The following GALNT13 variants were observed in gnomAD, a reference collection of about 807,000 sequenced individuals.
GALNT13 encodes UDP-GalNAc:polypeptide N-acetylgalactosaminyltransferase 13.
GALNT13 carries 28 observed loss-of-function variants against 64.2 expected under a neutral mutation model. The ratio of observed to expected loss-of-function variants is 0.44; its 90% CI spans 0.32 to 0.60. GALNT13 has a LOEUF of 0.60. Ranked by LOEUF, GALNT13 falls within the 20% of genes least tolerant of loss-of-function variation. GALNT13 has a pLI of 0.05. For missense variants in GALNT13, 577 were observed against 669.8 expected (o/e 0.86, Z 1.53); for synonymous variants, 214 against 224.6 (o/e 0.95, Z 0.42).
chr2:153,509,138 T>G, the GALNT13 span, among the ~76,000 whole-genome samples: 1 of 152,154 alleles, frequency 6.6e-6, no homozygotes, highest in Non-Finnish European at 1.5e-5. Flanking sequence ...AAGAAGGAAA[T>G]AGCGGGCGCT....
At chr2:153,578,147 T>A in the GALNT13 span, among the ~76,000 whole-genome samples, 535 of 152,240 alleles carry the variant, frequency 3.5e-3, 4 homozygotes, top group African/African-American at 0.012. Context: ...ACAACATATA[T>A]GCGATAAGTG....
chr2:153,081,498 A>C, the GALNT13 span, among the ~76,000 whole-genome samples: 3 of 152,012 alleles, frequency 2.0e-5, no homozygotes, highest in Non-Finnish European at 4.4e-5. Flanking sequence ...GACTATCCCC[A>C]TATCCCCCTT....
At chr2:154,120,034 G>T (rs1310907957) in intron 3 of GALNT13, among the ~76,000 whole-genome samples, 9 of 152,064 alleles carry the variant, frequency 5.9e-5, no homozygotes, top group Non-Finnish European at 1.3e-4. Context: ...CTGTACATTT[G>T]TGGAGACTTC....
chr2:153,848,736 ATCTT>A, the GALNT13 span, among the ~76,000 whole-genome samples: 1 of 152,150 alleles, frequency 6.6e-6, no homozygotes, highest in East Asian at 1.9e-4. Flanking sequence ...CTTTTAAAAA[ATCTT>A]AATATGGAGA....
chr2:153,930,198 T>G (rs1348785105), intron 2 of GALNT13, among the ~76,000 whole-genome samples: 1 of 152,196 alleles, frequency 6.6e-6, no homozygotes, highest in African/African-American at 2.4e-5. Flanking sequence ...GGTTTGTTTT[T>G]TGCTTGTTTA....
At chr2:153,625,875 T>G in the GALNT13 span, among the ~76,000 whole-genome samples, 1 of 152,040 alleles carries the variant, frequency 6.6e-6, no homozygotes, top group East Asian at 1.9e-4. Flanking sequence ...ACAGCTTGCA[T>G]GTAATACAAG....
At chr2:153,508,913 T>G in the GALNT13 span, among the ~76,000 whole-genome samples, 2 of 152,100 alleles carry the variant, frequency 1.3e-5, no homozygotes, top group Non-Finnish European at 2.9e-5. Flanking sequence ...GCATGTCAAG[T>G]TTCTGGGTTC....
At chr2:153,273,756 T>C in the GALNT13 span, among the ~76,000 whole-genome samples, 1 of 152,214 alleles carries the variant, frequency 6.6e-6, no homozygotes, top group African/African-American at 2.4e-5. Context: ...TTTCATTTAG[T>C]TGTCTCCACT....
chr2:153,143,802 A>G, the GALNT13 span, among the ~76,000 whole-genome samples: 1 of 152,162 alleles, frequency 6.6e-6, no homozygotes, highest in Admixed American at 6.5e-5. Flanking sequence ...TCTGCCCCAG[A>G]CAACTCTTGC....
At chr2:153,930,992 C>G (rs1690475578) in intron 2 of GALNT13, among the ~76,000 whole-genome samples, 1 of 150,710 alleles carries the variant, frequency 6.6e-6, no homozygotes, top group Non-Finnish European at 1.5e-5. Context: ...TCTCTGATTT[C>G]TTTCAGCAAT....
chr2:153,939,650 A>G (rs996152840), intron 2 of GALNT13, among the ~76,000 whole-genome samples: 1 of 152,216 alleles, frequency 6.6e-6, no homozygotes. Flanking sequence ...TACACTGAGC[A>G]TGCAATGTTT....
chr2:153,392,831 A>C, the GALNT13 span, among the ~76,000 whole-genome samples: 19 of 152,044 alleles, frequency 1.2e-4, no homozygotes, highest in African/African-American at 4.3e-4. Flanking sequence ...TCATATTAAA[A>C]GGTAGAGCTT....
chr2:154,293,475 A>C (rs547575512), intron 8 of GALNT13, among the ~76,000 whole-genome samples: 6 of 152,322 alleles, frequency 3.9e-5, no homozygotes, highest in Non-Finnish European at 8.8e-5. Flanking sequence ...TATGGCAATA[A>C]AAGTTAAATA....
the GALNT13 span, among the ~76,000 whole-genome samples, chr2:153,539,579 A>T: frequency 8.6e-5 from 13 of 152,006 alleles, no homozygotes; most frequent in African/African-American, 3.1e-4. Context: ...ATAAAGTGTA[A>T]GGAAGGGATC....
the GALNT13 span, among the ~76,000 whole-genome samples, chr2:153,255,063 G>T: frequency 7.9e-5 from 12 of 152,150 alleles, no homozygotes; most frequent in Non-Finnish European, 1.6e-4. Context: ...AATGTTGACA[G>T]CGGGGTGTGA....
the GALNT13 span, among the ~76,000 whole-genome samples, chr2:153,198,583 G>A: frequency 6.6e-6 from 1 of 152,162 alleles, no homozygotes; most frequent in Admixed American, 6.5e-5. Context: ...AGTGTCCTGT[G>A]CCTCTAGTCA....
At chr2:153,279,629 G>T in the GALNT13 span, among the ~76,000 whole-genome samples, 23 of 152,056 alleles carry the variant, frequency 1.5e-4, no homozygotes, top group African/African-American at 4.6e-4. Flanking sequence ...TGTGATTTTT[G>T]ATTTTAATTC....
the GALNT13 span, among the ~76,000 whole-genome samples, chr2:153,068,762 G>T: frequency 2.0e-5 from 3 of 152,148 alleles, no homozygotes; most frequent in Admixed American, 6.6e-5. Flanking sequence ...AAGTAGCATA[G>T]GTATAGACCC....
At chr2:153,126,213 G>A in the GALNT13 span, among the ~76,000 whole-genome samples, 2 of 150,304 alleles carry the variant, frequency 1.3e-5, no homozygotes, top group Non-Finnish European at 3.0e-5. Flanking sequence ...CTAAATGTTA[G>A]GAATCTATTT....
Sources: allele counts gnomAD v4.1 joint callset (sites outside exome capture counted in the v4.1 genomes callset), GRCh38; gene constraint gnomAD v4.1.1; transcripts MANE v1.5; gene names NCBI Gene and HGNC (gene_info 2026-07-23, HGNC 2026-07-21).